The following OXR1 variants were observed in gnomAD, a reference collection of about 807,000 sequenced individuals.
OXR1 encodes the protein oxidation resistance 1, also known as oxidation resistance protein 1.
Under a neutral mutation model 104.6 loss-of-function variants are expected in OXR1, and 41 were observed. That is an observed-to-expected ratio of 0.39 (90% CI 0.31 to 0.51). The LOEUF (loss-of-function observed/expected upper bound fraction) is 0.51. Ranked by LOEUF, OXR1 falls within the 20% of genes least tolerant of loss-of-function variation. OXR1 has a pLI of 0.77. For missense variants in OXR1, 955 were observed against 1,031.9 expected, an observed-to-expected ratio of 0.93 and a Z score of 1.02; for synonymous variants, 348 against 348.4, an observed-to-expected ratio of 1.00 and a Z score of 0.01.
At chr8:106,712,980 T>C (rs902066483) in intron 10 of OXR1, among the ~76,000 whole-genome samples, 1 of 151,984 alleles carries the variant, frequency 6.6e-6, no homozygotes, top group African/African-American at 2.4e-5. Context: ...CTGATCTTTA[T>C]TGTAGACATA....
intron 1 of OXR1, among the ~76,000 whole-genome samples, chr8:106,333,602 C>T (rs1291291105): frequency 1.3e-5 from 2 of 152,002 alleles, no homozygotes; most frequent in Non-Finnish European, 2.9e-5. Flanking sequence ...CTAAGATTGT[C>T]GTAGTTTTAA....
intron 3 of OXR1, among the ~76,000 whole-genome samples, chr8:106,584,842 A>T (rs1818512874): frequency 6.6e-6 from 1 of 152,118 alleles, no homozygotes; most frequent in African/African-American, 2.4e-5. Context: ...GCTATACCAC[A>T]TAAAAACAGT....
At chr8:106,460,226 A>G (rs1218486714) in intron 2 of OXR1, among the ~76,000 whole-genome samples, 3 of 152,178 alleles carry the variant, frequency 2.0e-5, no homozygotes, top group Non-Finnish European at 4.4e-5. Flanking sequence ...GATCACTGAG[A>G]ATCTCTTTAC....
At chr8:106,321,478 G>T (rs978439692) in intron 1 of OXR1, among the ~76,000 whole-genome samples, 29 of 152,190 alleles carry the variant, frequency 1.9e-4, no homozygotes, top group African/African-American at 6.0e-4. Flanking sequence ...AGGGGTGGTG[G>T]TGGTAGTGGT....
chr8:106,336,649 A>G (rs1255158124), intron 1 of OXR1, among the ~76,000 whole-genome samples: 3 of 152,140 alleles, frequency 2.0e-5, no homozygotes, highest in African/African-American at 7.2e-5. Context: ...TAAATCTTTT[A>G]TTACTTTGGG....
intron 9 of OXR1, among the ~76,000 whole-genome samples, chr8:106,708,221 G>A (rs570780444): frequency 2.0e-5 from 3 of 151,768 alleles, no homozygotes; most frequent in Non-Finnish European, 4.4e-5. Context: ...GCAAAACCCT[G>A]TTTCTACAAA....
At position 106,276,642 on chromosome 8, in the gene OXR1, CA is replaced by C. The variant is rs372586412; in HGVS notation, c.-139+6276del. Among the ~76,000 whole-genome samples the C allele has an allele frequency of 1.6e-4, 24 of 151,478 alleles. No individual in the cohort carries two copies. In the East Asian group the frequency reaches 3.3e-3, roughly 21 times the overall value. ...TCCATCCAAACCTCTTTCTCAAGAG[CA>C]TGCTTATTTTCTTGGTTAAATCCAT... On this transcript the variant is annotated intron_variant, in intron 1 of 16. Transcript: ENST00000517566.
chr8:106,648,114 T>A (rs931588471), intron 3 of OXR1, among the ~76,000 whole-genome samples: 1 of 152,256 alleles, frequency 6.6e-6, no homozygotes, highest in African/African-American at 2.4e-5. Flanking sequence ...TGGCTACTCA[T>A]AATAGTTTTA....
At chr8:106,381,909 TG>T (rs914249163) in intron 2 of OXR1, among the ~76,000 whole-genome samples, 1 of 152,194 alleles carries the variant, frequency 6.6e-6, no homozygotes, top group Admixed American at 6.5e-5. Flanking sequence ...CATATAAAAG[TG>T]GGAAATGGTT....
rs184822022 is a variant in OXR1, at chr8:106,434,599, C to T, written c.23+74963C>T. ...ACTTTTCCAGGGGTGATAATTTTTC[C>T]TTGCTCATAGTCAAATTATTCTGAG... is the stretch of plus-strand genomic sequence containing the variant. On this transcript the variant is annotated intron_variant, in intron 2 of 16. Coordinates refer to ENST00000517566, the MANE Select transcript of OXR1 (RefSeq NM_001198533.2). Among the ~76,000 whole-genome samples the T allele has an allele frequency of 1.6e-3, 246 of 152,198 alleles. 3 individuals carry two copies. The highest frequency in any genetic ancestry group is 5.1e-4 in the Non-Finnish European group (35 of 68,016).
At chr8:106,503,028 T>C (rs1011102977) in intron 2 of OXR1, among the ~76,000 whole-genome samples, 1 of 152,178 alleles carries the variant, frequency 6.6e-6, no homozygotes, top group Non-Finnish European at 1.5e-5. Context: ...ATCCATCCTT[T>C]TTATGCCCCA....
intron 7 of OXR1, among the ~76,000 whole-genome samples, chr8:106,700,481 A>G (rs1002474729): frequency 6.6e-6 from 1 of 152,178 alleles, no homozygotes; most frequent in Non-Finnish European, 1.5e-5. Context: ...AAAGAAACTT[A>G]AAGAATATAT....
At chr8:106,521,834 A>G (rs1241050009) in intron 3 of OXR1, among the ~76,000 whole-genome samples, 2 of 152,106 alleles carry the variant, frequency 1.3e-5, no homozygotes, top group Non-Finnish European at 2.9e-5. Context: ...TTTTATGGAT[A>G]ATATAGTGGA....
intron 2 of OXR1, among the ~76,000 whole-genome samples, chr8:106,395,797 C>T (rs1817753255): frequency 6.6e-6 from 1 of 152,114 alleles, no homozygotes; most frequent in Non-Finnish European, 1.5e-5. Context: ...CTAAATACCA[C>T]TCTCCAATAA....
chr8:106,347,198 A>G (rs181689512), intron 1 of OXR1, among the ~76,000 whole-genome samples: 139 of 152,376 alleles, frequency 9.1e-4, no homozygotes, highest in Admixed American at 2.0e-3. Context: ...ATTGATTTTT[A>G]TCACGTTGTA....
At chr8:106,483,846 A>C (rs1822283945) in intron 2 of OXR1, among the ~76,000 whole-genome samples, 1 of 152,218 alleles carries the variant, frequency 6.6e-6, no homozygotes, top group Admixed American at 6.5e-5. Context: ...AACCTTGCTG[A>C]AAACCTTCTC....
chr8:106,291,966 C>T (rs1259260008), intron 1 of OXR1, among the ~76,000 whole-genome samples: 4 of 152,142 alleles, frequency 2.6e-5, no homozygotes, highest in South Asian at 4.1e-4. Context: ...TCCCACAACA[C>T]GTGGGGATTA....
At chr8:106,313,845 A>G (rs780313009) in intron 1 of OXR1, among the ~76,000 whole-genome samples, 2 of 152,156 alleles carry the variant, frequency 1.3e-5, no homozygotes, top group African/African-American at 2.4e-5. Flanking sequence ...TTTAACATGT[A>G]CCTTCATTTC....
At chr8:106,493,127 C>T (rs778065275) in intron 2 of OXR1, among the ~76,000 whole-genome samples, 10 of 152,130 alleles carry the variant, frequency 6.6e-5, no homozygotes, top group Non-Finnish European at 8.8e-5. Context: ...TTAAATGCTA[C>T]AGCTACAGCT....
Sources: gnomAD v4.1 joint callset for allele counts (sites outside exome capture counted in the v4.1 genomes callset) on GRCh38, gnomAD v4.1.1 for gene constraint, MANE v1.5 for transcripts, NCBI Gene and HGNC (gene_info 2026-07-23, HGNC 2026-07-21) for gene names.